Variants in SLC20A2 observed in about 807,000 individuals in gnomAD.
SLC20A2 encodes solute carrier family 20 member 2, also known as sodium-dependent phosphate transporter 2.
Under a neutral mutation model 61.0 loss-of-function variants are expected in SLC20A2, and 30 were observed. The observed-to-expected ratio is 0.49, with a 90% CI of 0.37 to 0.67. The LOEUF (loss-of-function observed/expected upper bound fraction) is 0.67. Among genes scored for constraint, SLC20A2 ranks in the 30% least tolerant of loss-of-function variants. The probability of loss-of-function intolerance (pLI) is 0.00; values close to 1 mark genes in which losing one functional copy is unlikely to be tolerated. For synonymous variants in SLC20A2, 351 were observed against 353.3 expected (o/e 0.99, Z 0.07); for missense variants, 626 against 866.4 (o/e 0.72, Z 3.48).
intron 10 of SLC20A2, among the ~76,000 whole-genome samples, chr8:42,422,204 C>G (rs1236260164): frequency 6.6e-6 from 1 of 152,204 alleles, no homozygotes; most frequent in African/African-American, 2.4e-5. Context: ...AGGCACCCAC[C>G]ACCACACTTG....
At chr8:42,458,121 T>C (rs1806356773) in intron 5 of SLC20A2, among the ~76,000 whole-genome samples, 1 of 152,084 alleles carries the variant, frequency 6.6e-6, no homozygotes, top group Non-Finnish European at 1.5e-5. Flanking sequence ...ATTAAGAAGA[T>C]GAAAACCAGC....
At chr8:42,487,746 T>A (rs182168331) in intron 1 of SLC20A2, among the ~76,000 whole-genome samples, 2 of 152,336 alleles carry the variant, frequency 1.3e-5, no homozygotes, top group East Asian at 3.9e-4. Context: ...AAAATACACA[T>A]CGCATAAAAT....
chr8:42,508,393 C>T (rs572831185), intron 1 of SLC20A2, among the ~76,000 whole-genome samples: 25 of 152,008 alleles, frequency 1.6e-4, no homozygotes, highest in South Asian at 2.1e-4. Flanking sequence ...CTCGGAGTCT[C>T]GCTCTGTTTG....
At chr8:42,498,693 C>T (rs999541578) in intron 1 of SLC20A2, among the ~76,000 whole-genome samples, 1 of 152,202 alleles carries the variant, frequency 6.6e-6, no homozygotes, top group East Asian at 1.9e-4. Context: ...GGCATCCCTC[C>T]TGCTCACTGC....
At chr8:42,466,052 T>A in intron 2 of SLC20A2, 135 bp from the exon 3 acceptor site, 1 of 786,812 alleles carries the variant, frequency 1.3e-6, no homozygotes, top group Non-Finnish European at 1.9e-6. Context: ...TACAAAGCGC[T>A]ACAGCCTGGA....
chr8:42,451,548 A>G (rs1805652641), intron 5 of SLC20A2, among the ~76,000 whole-genome samples: 2 of 135,384 alleles, frequency 1.5e-5, no homozygotes, highest in South Asian at 2.8e-4. Flanking sequence ...AGAGGAGGAA[A>G]AGATGGAGGA....
intron 1 of SLC20A2, among the ~76,000 whole-genome samples, chr8:42,516,079 A>G (rs1586249858): frequency 1.3e-5 from 2 of 152,162 alleles, no homozygotes; most frequent in South Asian, 4.1e-4. Context: ...TTTTTTAATC[A>G]TTTTTGTAAT....
rs1310553217 is a variant in SLC20A2 at position 42,472,085 on chromosome 8, G to T, written c.289+17C>A. On this transcript the variant is annotated intron_variant, in intron 2 of 10. Transcript: ENST00000520262. The surrounding 1 kb of genome is among the most constrained non-coding windows in gnomAD (Gnocchi z 4.1). ...AGTGGGCGGATGTCCCATCGGTATA[G>T]AGAAGAGGCTACTCACCAACCATGG... The T allele has an allele frequency of 6.2e-7, 1 of 1,610,906 alleles. No homozygotes were observed. The highest frequency in any genetic ancestry group is 1.7e-5 in the Admixed American group (1 of 60,004).
chr8:42,534,400 C>G (rs914081143), intron 1 of SLC20A2, among the ~76,000 whole-genome samples: 2 of 152,196 alleles, frequency 1.3e-5, no homozygotes, highest in African/African-American at 4.8e-5. Flanking sequence ...CTATACATTT[C>G]TACTACCCAT....
chr8:42,465,639 C>A, intron 3 of SLC20A2, 138 bp downstream of exon 3: 1 of 753,094 alleles, frequency 1.3e-6, no homozygotes, highest in South Asian at 2.1e-5. Flanking sequence ...TGCAGTGAGC[C>A]GAGATTGCAC....
chr8:42,517,556 T>G (rs1811392063), intron 1 of SLC20A2, among the ~76,000 whole-genome samples: 1 of 152,102 alleles, frequency 6.6e-6, no homozygotes, highest in Non-Finnish European at 1.5e-5. Context: ...CCATAAAATG[T>G]ACAAGTGTAC....
intron 1 of SLC20A2, among the ~76,000 whole-genome samples, chr8:42,518,124 T>A (rs1033825845): frequency 6.6e-6 from 1 of 151,760 alleles, no homozygotes; most frequent in Non-Finnish European, 1.5e-5. Flanking sequence ...GTATTTTTAG[T>A]AGAGATGGGG....
At chr8:42,541,438 C>G (rs1056923415) in intron 1 of SLC20A2, 5 of 147,220 alleles carry the variant, frequency 3.4e-5, no homozygotes, top group African/African-American at 1.2e-4. Context: ...GGAAAGGAGC[C>G]CGGCTCCACT....
rs188846814 is a variant in SLC20A2, at chr8:42,497,719, T to G, written c.-265+3312A>C. 1.4e-4 allele frequency among the ~76,000 whole-genome samples: 22 copies of G among 152,086 alleles called. No individual in the cohort carries two copies. In the East Asian group the frequency reaches 3.7e-3, roughly 25 times the overall value. On this transcript the variant is annotated intron_variant, in intron 1 of 10. Transcript: ENST00000520262. ...CATTTTCCAACCCTCAATTGGTTTT[T>G]TTTTTTTTTTTGAGGTTCTTTGTGG... is the stretch of plus-strand genomic sequence containing the variant.
upstream of SLC20A2, among the ~76,000 whole-genome samples, chr8:42,502,923 C>T (rs1015842787): frequency 5.9e-5 from 9 of 152,172 alleles, no homozygotes; most frequent in African/African-American, 1.7e-4. Context: ...GTCTCTAAGC[C>T]AAAATATTAT....
At chr8:42,509,250 C>G (rs1029983328) in intron 1 of SLC20A2, among the ~76,000 whole-genome samples, 1 of 152,232 alleles carries the variant, frequency 6.6e-6, no homozygotes, top group Non-Finnish European at 1.5e-5. Context: ...GCTAAACACA[C>G]TTAAATGTTT....
chr8:42,514,004 T>A (rs72643237), intron 1 of SLC20A2, among the ~76,000 whole-genome samples: 1,815 of 152,162 alleles, frequency 0.012, 17 homozygotes, highest in Non-Finnish European at 0.018. Context: ...GAAGATTAGG[T>A]TGCAAAAATA....
chr8:42,481,391 G>T (rs936006595), intron 1 of SLC20A2, among the ~76,000 whole-genome samples: 2 of 152,152 alleles, frequency 1.3e-5, no homozygotes, highest in African/African-American at 4.8e-5. Context: ...GCAATGCCGA[G>T]AAACTAGGAA....
At chr8:42,494,012 G>A (rs1416223067) in intron 1 of SLC20A2, among the ~76,000 whole-genome samples, 5 of 152,162 alleles carry the variant, frequency 3.3e-5, no homozygotes, top group African/African-American at 7.2e-5. Context: ...GTGTCGTGGT[G>A]TGTGCCAGTA....
Sources: gnomAD v4.1 joint callset for allele counts (sites outside exome capture counted in the v4.1 genomes callset) on GRCh38, gnomAD v4.1.1 for gene constraint, Gnocchi (gnomAD v3.1) non-coding constraint, MANE v1.5 for transcripts, NCBI Gene and HGNC (gene_info 2026-07-23, HGNC 2026-07-21) for gene names.